Variants in DSCAM observed in about 807,000 individuals in gnomAD.
DSCAM encodes the protein DS cell adhesion molecule.
In DSCAM, 47 loss-of-function variants were observed where a neutral mutation model predicts 217.7. The ratio of observed to expected loss-of-function variants is 0.22; its 90% CI spans 0.17 to 0.28. The LOEUF (loss-of-function observed/expected upper bound fraction) is 0.28, where lower values mean the gene tolerates loss of function less well. Ranked by LOEUF, DSCAM falls within the 10% of genes least tolerant of loss-of-function variation. DSCAM has a pLI of 1.00. For missense variants in DSCAM, 2,080 were observed against 2,618.3 expected (o/e 0.79, Z 4.49); for synonymous variants, 1,056 against 1,015.3 (o/e 1.04, Z -0.76).
chr21:40,042,173 A>G (rs2088763453), intron 32 of DSCAM, among the ~76,000 whole-genome samples, 198 bp downstream of exon 32: 1 of 152,162 alleles, frequency 6.6e-6, no homozygotes, highest in African/African-American at 2.4e-5. Context: ...GTCCCGCCCA[A>G]ATTTCAGATT....
chr21:40,229,910 T>A (rs986593704), intron 11 of DSCAM, among the ~76,000 whole-genome samples: 10 of 152,228 alleles, frequency 6.6e-5, no homozygotes, highest in African/African-American at 1.9e-4. Context: ...TTTAGTTTTG[T>A]AAGAAACTGT....
intron 3 of DSCAM, among the ~76,000 whole-genome samples, chr21:40,408,647 A>G (rs1314362743): frequency 6.6e-6 from 1 of 152,184 alleles, no homozygotes; most frequent in African/African-American, 2.4e-5. Flanking sequence ...ATTTATGGAT[A>G]TTCAGTAGGC....
intron 28 of DSCAM, among the ~76,000 whole-genome samples, chr21:40,057,130 G>A (rs1053249464): frequency 1.3e-5 from 2 of 152,150 alleles, no homozygotes; most frequent in African/African-American, 4.8e-5. Flanking sequence ...TCCTACTTAG[G>A]ACTTGATCTT....
intron 1 of DSCAM, among the ~76,000 whole-genome samples, chr21:40,748,816 C>G (rs994984787): frequency 1.3e-5 from 2 of 152,106 alleles, no homozygotes; most frequent in Admixed American, 1.3e-4. Context: ...AGGCATCACT[C>G]TACCTGATGA....
At chr21:40,591,040 G>C (rs1445649419) in intron 3 of DSCAM, among the ~76,000 whole-genome samples, 1 of 152,152 alleles carries the variant, frequency 6.6e-6, no homozygotes, top group Admixed American at 6.5e-5. Context: ...GGAGATAATG[G>C]AATCATGGGG....
chr21:40,184,925 A>G (rs571473738), intron 14 of DSCAM, among the ~76,000 whole-genome samples: 2 of 152,184 alleles, frequency 1.3e-5, no homozygotes, highest in Non-Finnish European at 2.9e-5. Flanking sequence ...CACCTATTAG[A>G]TGTTGAGTAT....
intron 23 of DSCAM, among the ~76,000 whole-genome samples, chr21:40,084,588 A>C (rs1357874607): frequency 6.6e-6 from 1 of 151,658 alleles, no homozygotes; most frequent in Non-Finnish European, 1.5e-5. Flanking sequence ...GAACTGCAGA[A>C]TATGAACTGG....
intron 3 of DSCAM, among the ~76,000 whole-genome samples, chr21:40,534,995 TG>T (rs1357809372): frequency 6.6e-6 from 1 of 152,142 alleles, no homozygotes; most frequent in East Asian, 1.9e-4. Flanking sequence ...TAGACATACC[TG>T]GGTCTGACTT....
intron 28 of DSCAM, among the ~76,000 whole-genome samples, chr21:40,058,966 T>C (rs1457259662): frequency 6.6e-6 from 1 of 152,196 alleles, no homozygotes; most frequent in African/African-American, 2.4e-5. Flanking sequence ...TCTGGTTGTT[T>C]GAATAAAATG....
chr21:40,732,494 T>C (rs148467674), intron 1 of DSCAM, among the ~76,000 whole-genome samples: 150 of 152,342 alleles, frequency 9.8e-4, no homozygotes, highest in Non-Finnish European at 1.6e-3. Flanking sequence ...TTAGAGGAGA[T>C]ACACTGATTC....
At chr21:40,231,184 T>G (rs573024005) in intron 11 of DSCAM, among the ~76,000 whole-genome samples, 10 of 151,490 alleles carry the variant, frequency 6.6e-5, no homozygotes, top group Non-Finnish European at 1.5e-4. Flanking sequence ...GGAGAAGGTT[T>G]GATCTTCACT....
At chr21:40,185,402 G>C (rs1210609444) in intron 14 of DSCAM, among the ~76,000 whole-genome samples, 2 of 152,184 alleles carry the variant, frequency 1.3e-5, no homozygotes, top group Non-Finnish European at 2.9e-5. Flanking sequence ...GCCCAGCAGC[G>C]AATCCCACAC....
chr21:40,448,473 T>A (rs999688594), intron 3 of DSCAM, among the ~76,000 whole-genome samples: 8 of 152,154 alleles, frequency 5.3e-5, no homozygotes, highest in Non-Finnish European at 1.0e-4. Flanking sequence ...CTGGGTCCCC[T>A]GGTTCTCAAA....
chr21:40,751,739 T>A (rs889457112), intron 1 of DSCAM, among the ~76,000 whole-genome samples: 16 of 152,260 alleles, frequency 1.1e-4, no homozygotes, highest in Admixed American at 8.5e-4. Flanking sequence ...AGGGGCCTTT[T>A]CAAGGACACT....
intron 3 of DSCAM, among the ~76,000 whole-genome samples, chr21:40,675,794 T>C (rs938886316): frequency 6.6e-6 from 1 of 152,366 alleles, no homozygotes. Context: ...TCCTTGCTGT[T>C]ACACAGAGTT....
intron 3 of DSCAM, chr21:40,383,416 G>A (rs1343077041): frequency 6.6e-6 from 1 of 152,356 alleles, no homozygotes; most frequent in African/African-American, 2.4e-5. Context: ...ATGGTATGCA[G>A]CTGATAAGAC....
At chr21:40,436,672 A>G (rs778401898) in intron 3 of DSCAM, among the ~76,000 whole-genome samples, 13 of 152,308 alleles carry the variant, frequency 8.5e-5, no homozygotes, top group Admixed American at 2.0e-4. Context: ...ACAGCTACAA[A>G]GCTTGAAGGA....
At chr21:40,415,872 T>C (rs1482843231) in intron 3 of DSCAM, among the ~76,000 whole-genome samples, 1 of 152,160 alleles carries the variant, frequency 6.6e-6, no homozygotes, top group African/African-American at 2.4e-5. Context: ...CATCATGTCA[T>C]GCATCGCTGT....
chr21:40,121,453 G>C (rs1425183851), intron 20 of DSCAM, among the ~76,000 whole-genome samples: 1 of 152,078 alleles, frequency 6.6e-6, no homozygotes, highest in Non-Finnish European at 1.5e-5. Context: ...GATATGGAGA[G>C]GGAACTGTTT....
Sources: gnomAD v4.1 joint callset for allele counts (sites outside exome capture counted in the v4.1 genomes callset) on GRCh38, gnomAD v4.1.1 for gene constraint, MANE v1.5 for transcripts, NCBI Gene and HGNC (gene_info 2026-07-23, HGNC 2026-07-21) for gene names.